ARL13B: variants seen among roughly 807,000 people sequenced by gnomAD.
ARL13B encodes the protein ADP-ribosylation factor-like protein 13B.
A neutral mutation model predicts 56.1 loss-of-function variants in ARL13B; 36 were observed. The observed-to-expected ratio is 0.64, with a 90% confidence interval of 0.49 to 0.85. ARL13B has a LOEUF of 0.85. Ranked by LOEUF, ARL13B falls within the 40% of genes least tolerant of loss-of-function variation. ARL13B has a pLI of 0.00. For synonymous variants in ARL13B, 178 were observed against 171.1 expected (o/e 1.04, Z -0.32); for missense variants, 519 against 507.1 (o/e 1.02, Z -0.23).
intron 6 of ARL13B, among the ~76,000 whole-genome samples, chr3:94,040,580 T>G (rs371759019): frequency 1.3e-5 from 2 of 152,152 alleles, no homozygotes; most frequent in African/African-American, 4.8e-5. Flanking sequence ...TTTCTGCTCA[T>G]GTCCAGAGTT....
intron 3 of ARL13B, among the ~76,000 whole-genome samples, chr3:94,008,000 A>G (rs2076163221): frequency 6.6e-6 from 1 of 152,166 alleles, no homozygotes; most frequent in Admixed American, 6.5e-5. Flanking sequence ...AACCCTGATA[A>G]GTCACTTTAC....
At chr3:94,004,488 T>C (rs2076101868) in intron 3 of ARL13B, among the ~76,000 whole-genome samples, 1 of 152,192 alleles carries the variant, frequency 6.6e-6, no homozygotes, top group Non-Finnish European at 1.5e-5. Context: ...CATTTATGCA[T>C]GGTAAACAGT....
intron 1 of ARL13B, among the ~76,000 whole-genome samples, chr3:93,990,680 T>G (rs2075859561): frequency 6.6e-6 from 1 of 152,114 alleles, no homozygotes; most frequent in South Asian, 2.1e-4. Flanking sequence ...TATATCAAGT[T>G]CCCTTTAGAC....
In ARL13B at chr3:94,029,329, TA is replaced by T. The variant is rs1559997648; in HGVS notation, c.381-6001del. On this transcript the variant is annotated intron_variant, in intron 3 of 9. Transcript: ENST00000394222. The stretch of plus-strand genomic sequence containing the variant: ...ATATATATATATATATATATATATA[TA>T]TATATTTATTTTTTTTTTATTTTTT... Among the ~76,000 whole-genome samples the T allele has an allele frequency of 8.0e-3, 802 of 100,466 alleles. 17 individuals carry two copies. The highest frequency in any genetic ancestry group is 0.03 in the African/African-American group (604 of 19,880). The allele number at this position is 100,466 out of a possible 152,430, so 65.9% of individuals were successfully genotyped here. A position where few individuals can be genotyped will look rare whatever the true frequency, so the allele number is the denominator to read the frequency against.
chr3:94,004,080 A>G (rs527387378), intron 3 of ARL13B, among the ~76,000 whole-genome samples, 172 bp downstream of exon 3: 1 of 152,242 alleles, frequency 6.6e-6, no homozygotes, highest in Admixed American at 6.5e-5. Flanking sequence ...AGTGCTGTCT[A>G]TAGGGGAAAA....
chr3:93,996,016 C>A, intron 2 of ARL13B, 72 bp downstream of exon 2: 1 of 1,440,288 alleles, frequency 6.9e-7, no homozygotes, highest in Non-Finnish European at 9.6e-7. Flanking sequence ...TGTTAAGTTG[C>A]TTTATTCCTT....
In ARL13B at chr3:94,036,763, A is replaced by T; in HGVS notation, c.689+9A>T. 6.2e-7 allele frequency: 1 copy of T among 1,603,736 alleles called. No homozygotes were observed. Among genetic ancestry groups the T allele is most frequent in the Non-Finnish European group, 8.5e-7 (1 of 1,174,758 alleles). ...AAATTACGAGAAGAAAGGTAAGTAG[A>T]TTAATTTTGTACCACAGTGCATTTG... On this transcript the variant is annotated intron_variant, in intron 5 of 9. Coordinates refer to ENST00000394222, the MANE Select transcript of ARL13B (RefSeq NM_001174150.2).
chr3:94,025,123 A>G (rs1485727929), intron 3 of ARL13B, among the ~76,000 whole-genome samples: 1 of 151,930 alleles, frequency 6.6e-6, no homozygotes, highest in African/African-American at 2.4e-5. Context: ...TTTTTCCTGG[A>G]TTTTTATCCA....
intron 3 of ARL13B, among the ~76,000 whole-genome samples, chr3:94,016,085 A>G (rs2076328229): frequency 6.6e-6 from 1 of 152,168 alleles, no homozygotes; most frequent in South Asian, 2.1e-4. Flanking sequence ...GTAAGAATCA[A>G]ATTGATGTAC....
At chr3:94,049,996 C>CA (rs532785971) in intron 8 of ARL13B, among the ~76,000 whole-genome samples, 3,767 of 64,406 alleles carry the variant, frequency 0.058, 94 homozygotes, top group East Asian at 0.16. Flanking sequence ...ACTAAAGATA[C>CA]AAAAAAAAAA....
chr3:94,014,712 A>G (rs112139712), intron 3 of ARL13B: 4 of 1,612,902 alleles, frequency 2.5e-6, no homozygotes, highest in Non-Finnish European at 3.4e-6. Context: ...TTCCTTGATG[A>G]AGCATATCAT....
chr3:94,016,396 G>A (rs1487586596), intron 3 of ARL13B, among the ~76,000 whole-genome samples: 2 of 152,090 alleles, frequency 1.3e-5, no homozygotes, highest in African/African-American at 4.8e-5. Context: ...GTCATAGGAG[G>A]CATACTTAAC....
At chr3:94,030,252 G>A (rs1041555643) in intron 3 of ARL13B, among the ~76,000 whole-genome samples, 1 of 151,614 alleles carries the variant, frequency 6.6e-6, no homozygotes, top group East Asian at 1.9e-4. Context: ...TTTGAGACAG[G>A]GTCTCACTCT....
rs956760727 is a variant in ARL13B, at chr3:94,003,802, G to A, written c.274G>A (p.Val92Ile). 4 of 1,613,724 alleles carry A rather than the reference G, an allele frequency of 2.5e-6. No individual in the cohort carries two copies. Residue 92 changes from valine to isoleucine, a missense_variant, in exon 3 of 10, where the codon GTA (valine) becomes ATA (isoleucine). Physicochemically the swap from Val to Ile is conservative, Grantham distance 29. Coordinates refer to ENST00000394222, the MANE Select transcript of ARL13B (RefSeq NM_001174150.2). Reference sequence around the variant, plus strand: ...GAATTACTATGCTGAATCCTATGGGGTAATATTTGTTGTGGATTCCAGTGA... The same window carrying A: ...GAATTACTATGCTGAATCCTATGGGATAATATTTGTTGTGGATTCCAGTGA... ...WKNYYAESYGVIFVVDSSDEE... is the reference protein window; with the variant it reads ...WKNYYAESYGIIFVVDSSDEE...
At chr3:94,035,272 C>G (rs951602896) in intron 3 of ARL13B, 59 bp from the exon 4 acceptor site, 17 of 953,850 alleles carry the variant, frequency 1.8e-5, no homozygotes, top group Non-Finnish European at 2.4e-5. Flanking sequence ...GTCAAAATAT[C>G]TTTAAGTTTC....
chr3:94,016,371 A>G (rs1287862172), intron 3 of ARL13B, among the ~76,000 whole-genome samples: 4 of 152,144 alleles, frequency 2.6e-5, no homozygotes, highest in South Asian at 2.1e-4. Flanking sequence ...AAATATTTCT[A>G]TTAATCTGGA....
At chr3:94,048,627 C>G (rs1417777603) in intron 7 of ARL13B, among the ~76,000 whole-genome samples, 2 of 151,754 alleles carry the variant, frequency 1.3e-5, no homozygotes, top group South Asian at 2.1e-4. Flanking sequence ...GATTCTCACT[C>G]TGTCACCAAA....
chr3:94,025,499 A>C (rs1229817094), intron 3 of ARL13B, among the ~76,000 whole-genome samples: 1 of 152,168 alleles, frequency 6.6e-6, no homozygotes, highest in Non-Finnish European at 1.5e-5. Flanking sequence ...GGTTATTTCT[A>C]GTTTCTTAGG....
intron 3 of ARL13B, among the ~76,000 whole-genome samples, chr3:94,034,279 A>G (rs1296773202): frequency 6.6e-6 from 1 of 152,142 alleles, no homozygotes; most frequent in East Asian, 1.9e-4. Flanking sequence ...AGTTTTGATA[A>G]TTTTTAAAGA....
Sources: gnomAD v4.1 joint callset for allele counts (sites outside exome capture counted in the v4.1 genomes callset) on GRCh38, gnomAD v4.1.1 for gene constraint, MANE v1.5 for transcripts, NCBI Gene and HGNC (gene_info 2026-07-23, HGNC 2026-07-21) for gene names.